Variants in SRPK2 observed in about 807,000 individuals in gnomAD.
SRPK2 encodes SFRS protein kinase 2.
SRPK2 carries 21 observed loss-of-function variants against 90.8 expected under a neutral mutation model. The observed-to-expected ratio is 0.23, with a 90% CI of 0.16 to 0.33. The LOEUF (loss-of-function observed/expected upper bound fraction) is 0.33. Among genes scored for constraint, SRPK2 ranks in the 10% least tolerant of loss-of-function variants. SRPK2 has a pLI of 1.00. For missense variants in SRPK2, 620 were observed against 869.0 expected (o/e 0.71, Z 3.60); for synonymous variants, 288 against 311.1 (o/e 0.93, Z 0.78).
chr7:105,165,560 A>T (rs1261609917), intron 6 of SRPK2, among the ~76,000 whole-genome samples: 1 of 152,150 alleles, frequency 6.6e-6, no homozygotes, highest in African/African-American at 2.4e-5. Context: ...ACTCTGTAAA[A>T]ACGCACTGAC....
intron 2 of SRPK2, among the ~76,000 whole-genome samples, chr7:105,256,640 G>A (rs150572458): frequency 6.4e-4 from 98 of 152,290 alleles, no homozygotes; most frequent in African/African-American, 2.3e-3. Context: ...TTACAGGAAT[G>A]AGCCACTGTG....
At chr7:105,250,288 C>T (rs1336749807) in intron 2 of SRPK2, among the ~76,000 whole-genome samples, 1 of 151,908 alleles carries the variant, frequency 6.6e-6, no homozygotes, top group Non-Finnish European at 1.5e-5. Flanking sequence ...TGCAGTGAGC[C>T]GAGATGGTGC....
chr7:105,357,318 C>T (rs1294218775), intron 2 of SRPK2, among the ~76,000 whole-genome samples: 5 of 152,304 alleles, frequency 3.3e-5, no homozygotes, highest in East Asian at 3.9e-4. Context: ...CGATTACAGG[C>T]GTGAGCCACT....
At chr7:105,134,952 A>G (rs533880226) in intron 11 of SRPK2, among the ~76,000 whole-genome samples, 19 of 152,218 alleles carry the variant, frequency 1.2e-4, no homozygotes, top group Non-Finnish European at 2.4e-4. Context: ...GAAAAGAAAC[A>G]CCAGAACTCA....
intron 2 of SRPK2, among the ~76,000 whole-genome samples, chr7:105,277,065 T>G (rs1806604625): frequency 6.7e-6 from 1 of 150,112 alleles, no homozygotes; most frequent in East Asian, 2.1e-4. Context: ...CTTCTTGGTG[T>G]CTCCAACTTA....
chr7:105,393,459 C>CTT (rs58162170), upstream of SRPK2, among the ~76,000 whole-genome samples: 12 of 81,222 alleles, frequency 1.5e-4, no homozygotes, highest in South Asian at 4.4e-4. Flanking sequence ...TCTGGTTTTT[C>CTT]TTTTTTTTTT....
At chr7:105,343,013 G>C (rs1216760551) in intron 2 of SRPK2, among the ~76,000 whole-genome samples, 1 of 152,224 alleles carries the variant, frequency 6.6e-6, no homozygotes, top group South Asian at 2.1e-4. Flanking sequence ...GGCCCTGCAG[G>C]TAGGATGTGT....
At position 105,348,584 on chromosome 7, in the gene SRPK2, G is replaced by A. The variant is rs796159983; in HGVS notation, c.71+40064C>T. ...CATTACAGGCACCCGCCATCATGCC[G>A]GACTAATTTTTGTATTTTAGTAGAG... On this transcript the variant is annotated intron_variant, in intron 2 of 15. Transcript: ENST00000393651. Among the ~76,000 whole-genome samples, 3 of 151,520 alleles carry A rather than the reference G, an allele frequency of 2.0e-5. No individual in the cohort carries two copies. In the South Asian group the frequency reaches 6.2e-4, roughly 32 times the overall value.
At chr7:105,145,721 T>G (rs1804516985) in intron 8 of SRPK2, among the ~76,000 whole-genome samples, 1 of 152,246 alleles carries the variant, frequency 6.6e-6, no homozygotes, top group Non-Finnish European at 1.5e-5. Flanking sequence ...GCAAGCTTTC[T>G]ATAATTTAAA....
chr7:105,237,736 A>G (rs1800311933), intron 2 of SRPK2, among the ~76,000 whole-genome samples: 1 of 152,228 alleles, frequency 6.6e-6, no homozygotes, highest in Non-Finnish European at 1.5e-5. Flanking sequence ...CAGACATGAG[A>G]CATCTGAGTG....
In SRPK2 at chr7:105,223,005, A is replaced by G. The variant is rs117612441; in HGVS notation, c.72-19220T>C. 2.8e-3 allele frequency among the ~76,000 whole-genome samples: 434 copies of G among 152,348 alleles called. 11 individuals carry two copies. In the East Asian group the frequency reaches 0.055, roughly 19 times the overall value. ...TCTTAAAGGCACAAATGACACAGAAAAAACTTTCCTACTGAGACAATTACT... is the reference window on the plus strand; with the variant it reads ...TCTTAAAGGCACAAATGACACAGAAGAAACTTTCCTACTGAGACAATTACT... On this transcript the variant is annotated intron_variant, in intron 2 of 15. Coordinates refer to ENST00000393651, the MANE Select transcript of SRPK2 (RefSeq NM_182692.3).
intron 9 of SRPK2, among the ~76,000 whole-genome samples, chr7:105,144,338 T>C (rs867422143): frequency 4.6e-5 from 7 of 150,834 alleles, no homozygotes; most frequent in African/African-American, 1.7e-4. Context: ...CCTCCTGGGC[T>C]CAAGTGATTC....
chr7:105,314,681 G>C (rs1043537913), intron 2 of SRPK2, among the ~76,000 whole-genome samples: 1 of 152,160 alleles, frequency 6.6e-6, no homozygotes, highest in African/African-American at 2.4e-5. Flanking sequence ...ACCATGCCCG[G>C]CCCAAAACAT....
intron 2 of SRPK2, among the ~76,000 whole-genome samples, chr7:105,360,477 T>C (rs1485041151): frequency 2.0e-5 from 3 of 152,228 alleles, no homozygotes; most frequent in Non-Finnish European, 2.9e-5. Flanking sequence ...GCATCGATGG[T>C]CTTTACAATT....
At chr7:105,249,495 GAAAA>G (rs566812827) in intron 2 of SRPK2, among the ~76,000 whole-genome samples, 1 of 145,158 alleles carries the variant, frequency 6.9e-6, no homozygotes, top group Non-Finnish European at 1.5e-5. Flanking sequence ...TTAAAGAACA[GAAAA>G]AAAAAAACTG....
At chr7:105,316,252 C>A (rs1266802369) in intron 2 of SRPK2, among the ~76,000 whole-genome samples, 1 of 152,116 alleles carries the variant, frequency 6.6e-6, no homozygotes, top group African/African-American at 2.4e-5. Flanking sequence ...GCGAGAGCCA[C>A]CGTGCCTGGC....
chr7:105,244,911 C>G (rs925748703), intron 2 of SRPK2: 5 of 1,484,136 alleles, frequency 3.4e-6, no homozygotes, highest in Non-Finnish European at 4.7e-6. Context: ...CAAGAGGAAG[C>G]GGGAGGAGCA....
At chr7:105,224,757 G>A (rs1798512966) in intron 2 of SRPK2, among the ~76,000 whole-genome samples, 1 of 152,040 alleles carries the variant, frequency 6.6e-6, no homozygotes, top group East Asian at 1.9e-4. Flanking sequence ...ACTCCAAACT[G>A]TCAGTTAAAA....
rs191849850 is a variant in SRPK2, at chr7:105,173,884, A to G, written c.230-4619T>C. ...CACTTCACTATTTGTACTATTTAAT[A>G]TAAAAACCATGCATTTATCAAATAG... On this transcript the variant is annotated intron_variant, in intron 3 of 15. Transcript: ENST00000393651. Among the ~76,000 whole-genome samples, 198 of 151,568 alleles carry G rather than the reference A, an allele frequency of 1.3e-3. 2 individuals carry two copies. The highest frequency in any genetic ancestry group is 4.6e-3 in the African/African-American group (189 of 41,348).
Sources: gnomAD v4.1 joint callset for allele counts (sites outside exome capture counted in the v4.1 genomes callset) on GRCh38, gnomAD v4.1.1 for gene constraint, MANE v1.5 for transcripts, NCBI Gene and HGNC (gene_info 2026-07-23, HGNC 2026-07-21) for gene names.